The following SYT13 variants were observed in gnomAD, a reference collection of about 807,000 sequenced individuals.
SYT13 encodes the protein synaptotagmin 13, also known as synaptotagmin-13.
A neutral mutation model predicts 38.6 loss-of-function variants in SYT13; 21 were observed. The ratio of observed to expected loss-of-function variants is 0.54; its 90% CI spans 0.39 to 0.78. The LOEUF is 0.78. SYT13 is among the 30% of genes least tolerant of loss of function. The pLI is 0.00. For synonymous variants in SYT13, 241 were observed against 237.6 expected, an observed-to-expected ratio of 1.01 and a Z score of -0.13; for missense variants, 495 against 548.7, an observed-to-expected ratio of 0.90 and a Z score of 0.98.
chr11:45,266,674 A>G (rs188538184), intron 1 of SYT13, among the ~76,000 whole-genome samples: 207 of 152,314 alleles, frequency 1.4e-3, no homozygotes, highest in African/African-American at 4.6e-3. Flanking sequence ...CAGCCTCGCT[A>G]TCCTTTGAAG....
At chr11:45,251,687 C>T (rs746584123) in intron 4 of SYT13, among the ~76,000 whole-genome samples, 6 of 152,068 alleles carry the variant, frequency 3.9e-5, no homozygotes, top group Non-Finnish European at 5.9e-5. Flanking sequence ...GCTGTCCTGG[C>T]GCATGGGAAA....
chr11:45,283,468 C>A (rs1235374793), intron 1 of SYT13, among the ~76,000 whole-genome samples: 2 of 152,232 alleles, frequency 1.3e-5, no homozygotes, highest in Non-Finnish European at 2.9e-5. Context: ...CTCCTGTCAT[C>A]TGTCACCGCT....
chr11:45,270,918 A>G (rs943223307), intron 1 of SYT13, among the ~76,000 whole-genome samples: 7 of 152,236 alleles, frequency 4.6e-5, no homozygotes, highest in Non-Finnish European at 8.8e-5. Flanking sequence ...GCTCCACATT[A>G]TATTGCTGTC....
At chr11:45,260,250 CTGA>C (rs1854798890) in intron 1 of SYT13, among the ~76,000 whole-genome samples, 1 of 152,238 alleles carries the variant, frequency 6.6e-6, no homozygotes, top group South Asian at 2.1e-4. Context: ...AGAGCAGAGT[CTGA>C]TGACAGCTAC....
At chr11:45,251,820 A>G (rs924028400) in intron 4 of SYT13, among the ~76,000 whole-genome samples, 4 of 152,138 alleles carry the variant, frequency 2.6e-5, no homozygotes, top group African/African-American at 9.7e-5. Context: ...TGGGGATTGC[A>G]TGGACCACCG....
intron 4 of SYT13, among the ~76,000 whole-genome samples, chr11:45,250,651 A>G (rs1014822236): frequency 1.3e-5 from 2 of 152,178 alleles, no homozygotes; most frequent in Non-Finnish European, 2.9e-5. Context: ...TCACACACTA[A>G]TTAGAGAGTG....
At chr11:45,261,857 A>G (rs148790170) in intron 1 of SYT13, among the ~76,000 whole-genome samples, 3,805 of 151,558 alleles carry the variant, frequency 0.025, 105 homozygotes, top group Admixed American at 0.075. Flanking sequence ...CGAAGGTTGC[A>G]GTGAGCCAAG....
intron 5 of SYT13, among the ~76,000 whole-genome samples, chr11:45,245,016 C>T (rs533160741): frequency 6.6e-6 from 1 of 152,350 alleles, no homozygotes; most frequent in South Asian, 2.1e-4. Flanking sequence ...TTGGTGTAAG[C>T]ATGTTTGTCT....
intron 1 of SYT13, among the ~76,000 whole-genome samples, chr11:45,270,615 C>G (rs1485731103): frequency 1.3e-5 from 2 of 152,162 alleles, no homozygotes; most frequent in Non-Finnish European, 2.9e-5. Flanking sequence ...AATAAGACCT[C>G]TTTCACACTT....
At chr11:45,266,110 G>A (rs572812808) in intron 1 of SYT13, among the ~76,000 whole-genome samples, 8 of 152,328 alleles carry the variant, frequency 5.3e-5, no homozygotes, top group South Asian at 2.1e-4. Context: ...TGAGTAACAT[G>A]CTGAATTGGG....
At chr11:45,258,774 C>T (rs1318871142) in intron 1 of SYT13, among the ~76,000 whole-genome samples, 3 of 152,092 alleles carry the variant, frequency 2.0e-5, no homozygotes, top group Non-Finnish European at 4.4e-5. Context: ...GAGGCGAAGA[C>T]CGGGCTTGGG....
At chr11:45,279,484 G>A (rs1855046902) in intron 1 of SYT13, among the ~76,000 whole-genome samples, 1 of 152,150 alleles carries the variant, frequency 6.6e-6, no homozygotes, top group African/African-American at 2.4e-5. Context: ...CTACTTGGGA[G>A]GCTGAGGTGG....
chr11:45,242,124 C>T lies in SYT13; in HGVS notation c.*1928G>A, dbSNP rs1854558939. The T allele has an allele frequency of 6.6e-6, 1 of 152,104 alleles. No individual in the cohort carries two copies. Among genetic ancestry groups the T allele is most frequent in the African/African-American group, 2.4e-5 (1 of 41,398 alleles). 9.4% of individuals were successfully genotyped at this position (152,104 alleles called of 1,614,324 possible). A position where few individuals can be genotyped will look rare whatever the true frequency, so the allele number is the denominator to read the frequency against. ...GAATGAAGCCCTTACCCATCTTGTC[C>T]AGAAATTCTGTCTTAGGGAAGTGGA... On this transcript the variant is annotated 3_prime_UTR_variant, in exon 6 of 6. Coordinates refer to ENST00000020926, the MANE Select transcript of SYT13 (RefSeq NM_020826.3).
intron 1 of SYT13, among the ~76,000 whole-genome samples, chr11:45,283,195 C>T (rs1855094664): frequency 6.6e-6 from 1 of 152,130 alleles, no homozygotes; most frequent in Non-Finnish European, 1.5e-5. Context: ...TTTTCAAAAT[C>T]ACTACAAACT....
In SYT13 at chr11:45,246,440, C is replaced by T; in HGVS notation, c.919G>A (p.Val307Met). 4.3e-6 allele frequency: 7 copies of T among 1,614,144 alleles called. No individual in the cohort carries two copies. The highest frequency in any genetic ancestry group is 5.9e-6 in the Non-Finnish European group (7 of 1,180,024). ...TGGAGGTTCTTGGCTTTAATCAGCA[C>T]CACCAGGAGGCGGTTGGCAGCCGGG... ...YLPAANRLLV[V>M]LIKAKNLHSN... The change falls in exon 5 of 6, where the codon GTG becomes ATG. Residue 307 changes from valine (V) to methionine (M), a missense_variant. Coordinates refer to ENST00000020926, the MANE Select transcript of SYT13 (RefSeq NM_020826.3).
At chr11:45,255,016 C>T (rs1185062616) in intron 2 of SYT13, among the ~76,000 whole-genome samples, 3 of 151,740 alleles carry the variant, frequency 2.0e-5, no homozygotes, top group Admixed American at 1.3e-4. Context: ...CTCAGGAGGC[C>T]GAGGTGAGAG....
At chr11:45,246,320 C>T in intron 5 of SYT13, 63 bp downstream of exon 5, 2 of 1,585,290 alleles carry the variant, frequency 1.3e-6, no homozygotes, top group Non-Finnish European at 1.7e-6. Flanking sequence ...CAGGCACCAC[C>T]TCCCTCAGCA....
chr11:45,270,038 C>T (rs549922789), intron 1 of SYT13, among the ~76,000 whole-genome samples: 6 of 152,264 alleles, frequency 3.9e-5, no homozygotes, highest in Non-Finnish European at 5.9e-5. Context: ...CCTTATTTTC[C>T]CATCTCCAGT....
At chr11:45,254,115 A>G in intron 3 of SYT13, 155 bp downstream of exon 3, 1 of 812,682 alleles carries the variant, frequency 1.2e-6, no homozygotes, top group South Asian at 3.3e-5. Context: ...GAGTGTGGGA[A>G]ATCTTTGTGT....
Sources: allele counts gnomAD v4.1 joint callset (sites outside exome capture counted in the v4.1 genomes callset), GRCh38; gene constraint gnomAD v4.1.1; transcripts MANE v1.5; gene names NCBI Gene and HGNC (gene_info 2026-07-23, HGNC 2026-07-21).